Variants in CTIF observed in about 807,000 individuals in gnomAD.
The protein encoded by CTIF is cap binding complex dependent translation initiation factor.
In CTIF, 21 loss-of-function variants were observed where a neutral mutation model predicts 66.0. The observed-to-expected ratio is 0.32, with a 90% CI of 0.23 to 0.46. CTIF has a LOEUF of 0.46. Among genes scored for constraint, CTIF ranks in the 20% least tolerant of loss-of-function variants. The pLI, the probability that CTIF is intolerant of heterozygous loss-of-function variation, is 1.00. For synonymous variants in CTIF, 345 were observed against 326.4 expected (o/e 1.06, Z -0.62); for missense variants, 739 against 812.7 (o/e 0.91, Z 1.10).
intron 1 of CTIF, among the ~76,000 whole-genome samples, chr18:48,617,336 G>C (rs1341539769): frequency 5.3e-5 from 8 of 152,182 alleles, no homozygotes; most frequent in African/African-American, 1.7e-4. Context: ...TCAAGTGCTT[G>C]GGTCAGGCCC....
intron 6 of CTIF, among the ~76,000 whole-genome samples, chr18:48,681,301 T>A (rs2091737909): frequency 6.6e-6 from 1 of 152,164 alleles, no homozygotes. Context: ...TTGCCTCCAC[T>A]TCCCAGGCTG....
chr18:48,650,598 C>T (rs1162740814), intron 3 of CTIF, among the ~76,000 whole-genome samples: 1 of 152,148 alleles, frequency 6.6e-6, no homozygotes, highest in Non-Finnish European at 1.5e-5. Context: ...GGCAGGCCAA[C>T]ATTCAAATTC....
chr18:48,619,679 G>T lies in CTIF; in HGVS notation c.114G>T (p.Gln38His). 6.2e-7 allele frequency: 1 copy of T among 1,608,288 alleles called. No individual in the cohort carries two copies. Among genetic ancestry groups the T allele is most frequent in the South Asian group, 1.1e-5 (1 of 89,444 alleles). Residue 38 changes from glutamine to histidine, a missense_variant, in exon 2 of 12, where the codon CAG (glutamine) becomes CAT (histidine). This residue lies in a region of CTIF where 529 missense variants were observed against 520.3 expected (regional missense o/e 1.02). Transcript: ENST00000256413. Reference protein sequence around the residue: ...IDSYVLEYQVQGLLADKTEGD... With the variant: ...IDSYVLEYQVHGLLADKTEGD... ...GCTACGTGCTGGAGTACCAGGTGCA[G>T]GGGCTGCTGGCTGACAAGACGGAGG...
At chr18:48,587,767 A>G (rs1388512265) in intron 1 of CTIF, among the ~76,000 whole-genome samples, 1 of 152,110 alleles carries the variant, frequency 6.6e-6, no homozygotes, top group East Asian at 1.9e-4. Context: ...CACCTGTAAG[A>G]CAGGTTAGTT....
At chr18:48,708,823 G>A (rs2092191428) in intron 6 of CTIF, among the ~76,000 whole-genome samples, 1 of 152,168 alleles carries the variant, frequency 6.6e-6, no homozygotes, top group South Asian at 2.1e-4. Context: ...TTCCTTCCAT[G>A]GCCTGAGCTT....
intron 9 of CTIF, among the ~76,000 whole-genome samples, chr18:48,771,002 C>G (rs149292593): frequency 2.5e-3 from 377 of 152,238 alleles, no homozygotes; most frequent in African/African-American, 7.9e-3. Flanking sequence ...ATTTCCCCCC[C>G]CTACGCTGAT....
At chr18:48,585,480 G>A (rs1033768860) in intron 1 of CTIF, among the ~76,000 whole-genome samples, 2 of 152,160 alleles carry the variant, frequency 1.3e-5, no homozygotes, top group Non-Finnish European at 2.9e-5. Context: ...AGGATCCCAT[G>A]GTGTTCTGTG....
chr18:48,846,413 A>G (rs2069073166), intron 10 of CTIF, among the ~76,000 whole-genome samples: 1 of 152,218 alleles, frequency 6.6e-6, no homozygotes, highest in African/African-American at 2.4e-5. Flanking sequence ...AGCATTTAAC[A>G]CACCATAGAT....
At chr18:48,562,066 C>T (rs2089175227) in intron 1 of CTIF, among the ~76,000 whole-genome samples, 1 of 152,216 alleles carries the variant, frequency 6.6e-6, no homozygotes, top group Non-Finnish European at 1.5e-5. Flanking sequence ...ACTTGCTCAC[C>T]CCTGATCTAA....
At chr18:48,714,938 G>A (rs1421995604) in intron 7 of CTIF, among the ~76,000 whole-genome samples, 1 of 152,238 alleles carries the variant, frequency 6.6e-6, no homozygotes, top group African/African-American at 2.4e-5. Flanking sequence ...GCAGGTCAGA[G>A]GGGGTCCTAG....
At chr18:48,653,354 G>A (rs1179480220) in intron 3 of CTIF, among the ~76,000 whole-genome samples, 25 of 152,226 alleles carry the variant, frequency 1.6e-4, no homozygotes, top group African/African-American at 4.1e-4. Context: ...GAGCCAAATC[G>A]TGAGTGAACT....
At chr18:48,756,152 A>G (rs1041764939) in intron 7 of CTIF, 1 of 152,074 alleles carries the variant, frequency 6.6e-6, no homozygotes, top group Non-Finnish European at 1.5e-5. Context: ...CTCCAGCCAA[A>G]CACCTCTGCA....
rs575159695 is a variant in CTIF at position 48,861,153 on chromosome 18, G to A, written c.*1594G>A. The A allele has an allele frequency of 2.6e-5, 4 of 152,514 alleles. No individual in the cohort carries two copies. In the East Asian group the frequency reaches 7.7e-4, roughly 29 times the overall value. 9.4% of individuals were successfully genotyped at this position (152,514 alleles called of 1,614,324 possible). On this transcript the variant is annotated 3_prime_UTR_variant, in exon 12 of 12. Transcript: ENST00000256413. ...GATTCTGAGTCTGAGAGTGGCGAGT[G>A]GGGAGAGGCTTCCCCAGTTCTCTCC...
At chr18:48,765,806 T>G (rs1909467107) in intron 9 of CTIF, among the ~76,000 whole-genome samples, 1 of 152,204 alleles carries the variant, frequency 6.6e-6, no homozygotes, top group Non-Finnish European at 1.5e-5. Context: ...AGCTCCAAAA[T>G]GGTCTTCAGT....
In CTIF at chr18:48,860,900, G is replaced by A. The variant is rs1430704802; in HGVS notation, c.*1341G>A. On this transcript the variant is annotated 3_prime_UTR_variant, in exon 12 of 12. Transcript: ENST00000256413. The stretch of plus-strand genomic sequence containing the variant: ...GTCCTGGGGAGCAGGCCCTGTTGTT[G>A]GCTGGAGAGGAAGGTGTGGGGTGGA... 2.0e-5 allele frequency: 3 copies of A among 152,186 alleles called. No homozygotes were observed. Among genetic ancestry groups the A allele is most frequent in the South Asian group, 4.1e-4 (2 of 4,826 alleles). The allele number at this position is 152,186 out of a possible 1,614,324, so 9.4% of individuals were successfully genotyped here. A position where few individuals can be genotyped will look rare whatever the true frequency, so the allele number is the denominator to read the frequency against.
intron 7 of CTIF, among the ~76,000 whole-genome samples, chr18:48,752,015 G>T (rs1410727635): frequency 6.6e-6 from 1 of 152,144 alleles, no homozygotes; most frequent in African/African-American, 2.4e-5. Flanking sequence ...TTTGCCTGTA[G>T]GGTGCAGAGG....
At chr18:48,609,411 T>G (rs2090266456) in intron 1 of CTIF, among the ~76,000 whole-genome samples, 1 of 152,212 alleles carries the variant, frequency 6.6e-6, no homozygotes, top group Admixed American at 6.5e-5. Context: ...GTATAGCAGT[T>G]GTGAAGTCGA....
chr18:48,542,787 T>C (rs1231773909), intron 1 of CTIF, among the ~76,000 whole-genome samples: 1 of 152,194 alleles, frequency 6.6e-6, no homozygotes, highest in African/African-American at 2.4e-5. Flanking sequence ...AAAAACACCT[T>C]GATAGCCTTG....
At chr18:48,600,420 G>A (rs1198033835) in intron 1 of CTIF, among the ~76,000 whole-genome samples, 3 of 152,144 alleles carry the variant, frequency 2.0e-5, no homozygotes, top group Non-Finnish European at 4.4e-5. Flanking sequence ...GTTGGAGCAA[G>A]CAGATGTGGC....
Sources: allele counts gnomAD v4.1 joint callset (sites outside exome capture counted in the v4.1 genomes callset), GRCh38; gene constraint gnomAD v4.1.1; regional missense constraint gnomAD v4.1.1; transcripts MANE v1.5; gene names NCBI Gene and HGNC (gene_info 2026-07-23, HGNC 2026-07-21).